The following PIGF variants were observed in gnomAD, a reference collection of about 807,000 sequenced individuals.
The protein encoded by PIGF is GPI ethanolamine phosphate transferase, stabilizing subunit.
In PIGF, 23 loss-of-function variants were observed where a neutral mutation model predicts 26.0. The ratio of observed to expected loss-of-function variants is 0.88; its 90% CI spans 0.64 to 1.25. The LOEUF is 1.25. PIGF is among the 50% of genes most tolerant of loss of function. PIGF has a pLI of 0.00. For synonymous variants in PIGF, 93 were observed against 92.6 expected (o/e 1.00, Z -0.03); for missense variants, 278 against 249.9 (o/e 1.11, Z -0.76).
rs754510182 is a variant in PIGF, at chr2:46,581,469, T to C, written c.*9A>G. ...AATCTGCACAAAGAAATATCTCCCT[T>C]TGCTCCAGTTAATTGTTCTTGTATG... On this transcript the variant is annotated 3_prime_UTR_variant, in exon 6 of 6. Transcript: ENST00000281382. The C allele has an allele frequency of 9.9e-6, 16 of 1,609,608 alleles. No homozygotes were observed. The East Asian group carries it at 3.6e-4, about 36-fold the overall frequency.
At chr2:46,603,818 C>A (rs1452534594) in intron 4 of PIGF, among the ~76,000 whole-genome samples, 2 of 151,978 alleles carry the variant, frequency 1.3e-5, no homozygotes, top group East Asian at 3.9e-4. Context: ...TTGAATAATA[C>A]CCCACAAGCA....
At chr2:46,582,846 GGA>G (rs950212386) in intron 5 of PIGF, 7 of 152,660 alleles carry the variant, frequency 4.6e-5, no homozygotes, top group Non-Finnish European at 7.4e-5. Flanking sequence ...ATTGAAGAGT[GGA>G]GAGAGTCTAC....
chr2:46,586,913 T>C (rs1669594317), intron 5 of PIGF, among the ~76,000 whole-genome samples: 1 of 152,258 alleles, frequency 6.6e-6, no homozygotes, highest in African/African-American at 2.4e-5. Context: ...AATACTACTT[T>C]AGGAAGAGTT....
At chr2:46,608,177 A>T (rs1670283906) in intron 4 of PIGF, among the ~76,000 whole-genome samples, 2 of 152,180 alleles carry the variant, frequency 1.3e-5, no homozygotes, top group Non-Finnish European at 2.9e-5. Context: ...TTTATTAACT[A>T]AGTTTATGCA....
chr2:46,583,240 TAACAGA>T (rs1669461702), intron 5 of PIGF: 1 of 152,128 alleles, frequency 6.6e-6, no homozygotes, highest in Non-Finnish European at 1.5e-5. Flanking sequence ...TGCCCTGCCC[TAACAGA>T]AACAGATTAG....
rs1669646831 is a variant in PIGF, at chr2:46,588,674, A to G, written c.546+3801T>C. The stretch of plus-strand genomic sequence containing the variant: ...CAACAATATTTCTTAACCTTCCACT[A>G]ATTTTTTATAACATGAAATACTAGC... On this transcript the variant is annotated intron_variant, in intron 5 of 5. Coordinates refer to ENST00000281382, the MANE Select transcript of PIGF (RefSeq NM_002643.4). This position sits in a 1 kb window ranked among gnomAD's most constrained non-coding sequence, Gnocchi z 4.1. The G allele has an allele frequency of 6.6e-6, 1 of 152,212 alleles. No homozygotes were observed. The highest frequency in any genetic ancestry group is 2.1e-4 in the South Asian group (1 of 4,842). The allele number at this position is 152,212 out of a possible 1,614,324, so 9.4% of individuals were successfully genotyped here.
Position 46,589,885 on chromosome 2 carries a change from C to A in PIGF, c.546+2590G>T, listed in dbSNP as rs879398146. ...CTGGAAATAAAAAGTGAAAAAAAAA[C>A]CTCATTTCTTTAGTTTATTAGTAAA... On this transcript the variant is annotated intron_variant, in intron 5 of 5. Coordinates refer to ENST00000281382, the MANE Select transcript of PIGF (RefSeq NM_002643.4). This position sits in a 1 kb window ranked among gnomAD's most constrained non-coding sequence, Gnocchi z 4.7. Among the ~76,000 whole-genome samples the A allele has an allele frequency of 3.3e-5, 5 of 151,398 alleles. No homozygotes were observed. Among genetic ancestry groups the A allele is most frequent in the African/African-American group, 1.2e-4 (5 of 41,230 alleles).
intron 5 of PIGF, among the ~76,000 whole-genome samples, chr2:46,584,300 T>C (rs1011622648): frequency 6.6e-6 from 1 of 152,164 alleles, no homozygotes; most frequent in African/African-American, 2.4e-5. Flanking sequence ...AGGATAATAC[T>C]CTTTCCTCTA....
At chr2:46,593,799 T>C (rs1163100423) in intron 4 of PIGF, among the ~76,000 whole-genome samples, 1 of 152,200 alleles carries the variant, frequency 6.6e-6, no homozygotes, top group Non-Finnish European at 1.5e-5. Context: ...GGGAAAACAT[T>C]TGTTTTGTTA....
intron 5 of PIGF, chr2:46,582,757 C>T (rs1168017686): frequency 6.6e-6 from 1 of 152,530 alleles, no homozygotes; most frequent in East Asian, 1.9e-4. Flanking sequence ...ATGCTCATAT[C>T]AGTCACAAAT....
chr2:46,613,430 T>G lies in PIGF; in HGVS notation c.320+264A>C, dbSNP rs374962925. Among the ~76,000 whole-genome samples, 19 of 152,274 alleles carry G rather than the reference T, an allele frequency of 1.2e-4. No homozygotes were observed. In the East Asian group the frequency reaches 2.5e-3, roughly 20 times the overall value. On this transcript the variant is annotated intron_variant, in intron 3 of 5. Coordinates refer to ENST00000281382, the MANE Select transcript of PIGF (RefSeq NM_002643.4). Reference sequence around the variant, plus strand: ...TTCAGAGGTTCTAAGGGCCAAATACTTATTGGTATAGTATAGTTTCTCTAC... The same window carrying G: ...TTCAGAGGTTCTAAGGGCCAAATACGTATTGGTATAGTATAGTTTCTCTAC...
At chr2:46,587,964 CAT>C in intron 5 of PIGF, 5 of 812,838 alleles carry the variant, frequency 6.2e-6, no homozygotes, top group Non-Finnish European at 8.7e-6. Flanking sequence ...GTGGGGCTCT[CAT>C]GTGAATCTTA....
intron 5 of PIGF, among the ~76,000 whole-genome samples, chr2:46,584,892 T>C (rs746266174): frequency 6.6e-6 from 1 of 152,204 alleles, no homozygotes; most frequent in East Asian, 1.9e-4. Context: ...TCAAGCAAGT[T>C]TCCTACTGAT....
rs79924035 is a variant in PIGF at position 46,607,163 on chromosome 2, T to G, written c.437+5065A>C. On this transcript the variant is annotated intron_variant, in intron 4 of 5. Transcript: ENST00000281382. ...TATATCTCAATACTGTTTTAAAAAATAACCACCTCCCAGCTACCTCAGTTT... is the reference window on the plus strand; with the variant it reads ...TATATCTCAATACTGTTTTAAAAAAGAACCACCTCCCAGCTACCTCAGTTT... Among the ~76,000 whole-genome samples the G allele has an allele frequency of 4.9e-3, 750 of 152,298 alleles. 3 individuals carry two copies. The highest frequency in any genetic ancestry group is 0.017 in the African/African-American group (695 of 41,570).
intron 4 of PIGF, among the ~76,000 whole-genome samples, chr2:46,597,409 G>T (rs921086799): frequency 6.7e-6 from 1 of 150,286 alleles, no homozygotes; most frequent in Admixed American, 6.6e-5. Context: ...TTTGTGGGGG[G>T]TTTTTTGTTG....
rs751186428 is a variant in PIGF at position 46,589,408 on chromosome 2, A to C, written c.546+3067T>G. 6.6e-6 allele frequency among the ~76,000 whole-genome samples: 1 copy of C among 151,990 alleles called. No homozygotes were observed. The highest frequency in any genetic ancestry group is 1.5e-5 in the Non-Finnish European group (1 of 67,928). ...ACAGAATCCACATCACTATAATCTTATGCTTGGCCTCAGGAATGTTATACA... is the reference window on the plus strand; with the variant it reads ...ACAGAATCCACATCACTATAATCTTCTGCTTGGCCTCAGGAATGTTATACA... On this transcript the variant is annotated intron_variant, in intron 5 of 5. Transcript: ENST00000281382. The surrounding 1 kb of genome is among the most constrained non-coding windows in gnomAD (Gnocchi z 4.7).
chr2:46,602,332 C>T (rs1006646370), intron 4 of PIGF, among the ~76,000 whole-genome samples: 1 of 151,928 alleles, frequency 6.6e-6, no homozygotes, highest in African/African-American at 2.4e-5. Flanking sequence ...ATACAGTTCA[C>T]AAGCTCAAAG....
chr2:46,610,526 CTTTTTTTTT>C (rs10690699), intron 4 of PIGF, among the ~76,000 whole-genome samples: 3 of 110,316 alleles, frequency 2.7e-5, no homozygotes, highest in African/African-American at 1.1e-4. Flanking sequence ...GTACTGATTC[CTTTTTTTTT>C]TTTTTTTTTT....
chr2:46,598,529 A>T (rs908585290), intron 4 of PIGF, among the ~76,000 whole-genome samples: 27 of 103,490 alleles, frequency 2.6e-4, no homozygotes, highest in African/African-American at 4.5e-4. Context: ...ACATTATGAG[A>T]TTTTTTTTTT....
Sources: gnomAD v4.1 joint callset for allele counts (sites outside exome capture counted in the v4.1 genomes callset) on GRCh38, gnomAD v4.1.1 for gene constraint, Gnocchi (gnomAD v3.1) non-coding constraint, MANE v1.5 for transcripts, NCBI Gene and HGNC (gene_info 2026-07-23, HGNC 2026-07-21) for gene names.